Variants in RAB33A observed in about 807,000 individuals in gnomAD.
The protein encoded by RAB33A is ras-related protein Rab-33A.
Under a neutral mutation model 12.0 loss-of-function variants are expected in RAB33A, and 6 were observed. The observed-to-expected ratio is 0.50, with a 90% CI of 0.27 to 0.99. RAB33A has a LOEUF of 0.99. Among genes scored for constraint, RAB33A ranks in the 50% least tolerant of loss-of-function variants. The pLI is 0.11. For synonymous variants in RAB33A, 70 were observed against 82.4 expected, an observed-to-expected ratio of 0.85 and a Z score of 0.81; for missense variants, 109 against 192.0, an observed-to-expected ratio of 0.57 and a Z score of 2.55.
At chrX:130,147,662 T>C in the RAB33A span, 5 of 1,211,747 alleles carry the variant, frequency 4.1e-6, no homozygotes, top group Non-Finnish European at 5.6e-6. Context: ...CAGAGCCAAG[T>C]CATTTAAGGG....
chrX:130,128,702 T>G, the RAB33A span, among the ~76,000 whole-genome samples: 7 of 112,382 alleles, frequency 6.2e-5, no homozygotes, highest in Admixed American at 4.7e-4. Context: ...CCCATAAGCG[T>G]ATTTCAGAGA....
At chrX:130,158,406 A>G in the RAB33A span, among the ~76,000 whole-genome samples, 1 of 112,238 alleles carries the variant, frequency 8.9e-6, no homozygotes, top group Non-Finnish European at 1.9e-5. Context: ...GTGGTTTTCA[A>G]ACTTGAGAGT....
chrX:130,146,324 G>T, the RAB33A span, among the ~76,000 whole-genome samples: 1 of 109,166 alleles, frequency 9.2e-6, no homozygotes, highest in East Asian at 2.9e-4. Context: ...CGCACCTGTA[G>T]TCCTAGCTAC....
Position 130,172,391 on chromosome X carries a change from G to T in RAB33A, c.258+71G>T, listed in dbSNP as rs1373967404. The T allele has an allele frequency of 1.3e-5, 14 of 1,118,538 alleles. No individual in the cohort carries two copies. In the African/African-American group the frequency reaches 2.2e-4, roughly 18 times the overall value. The allele number at this position is 1,118,538 out of a possible 1,213,427, so 92.2% of individuals were successfully genotyped here. On this transcript the variant is annotated intron_variant, in intron 1 of 1. Coordinates refer to ENST00000257017, the MANE Select transcript of RAB33A (RefSeq NM_004794.3). ...ACCTCGCCCGAGGCATAGCTCTAGCGGTTGTCGTCGTCCAGCGTCCAGCGC... is the reference window on the plus strand; with the variant it reads ...ACCTCGCCCGAGGCATAGCTCTAGCTGTTGTCGTCGTCCAGCGTCCAGCGC...
the RAB33A span, chrX:130,138,524 T>C: frequency 1.3e-6 from 1 of 753,922 alleles, no homozygotes; most frequent in Admixed American, 2.2e-5. Flanking sequence ...GCCAAACACA[T>C]CTCTGGGATT....
the RAB33A span, among the ~76,000 whole-genome samples, chrX:130,148,920 G>GA: frequency 1.3e-5 from 1 of 77,206 alleles, no homozygotes; most frequent in Non-Finnish European, 2.4e-5. Context: ...CCTTTTAAGA[G>GA]ACTTTTTTTT....
chrX:130,147,471 C>CATTTT, the RAB33A span: 5 of 1,211,075 alleles, frequency 4.1e-6, no homozygotes, highest in South Asian at 8.8e-5. Flanking sequence ...TTGATAGGCT[C>CATTTT]ATTTTACATA....
the RAB33A span, among the ~76,000 whole-genome samples, chrX:130,163,560 C>T: frequency 4.5e-5 from 5 of 111,587 alleles, no homozygotes; most frequent in East Asian, 5.6e-4. Context: ...CTTTGGTGCA[C>T]GGCCAAAGGA....
Position 130,184,296 on chromosome X carries a change from G to A in RAB33A, c.270G>A (p.Trp90Ter). 8.3e-7 allele frequency: 1 copy of A among 1,208,553 alleles called. No homozygotes were observed. Among genetic ancestry groups the A allele is most frequent in the Non-Finnish European group, 1.1e-6 (1 of 893,271 alleles). ...IEGEKIKVQV[W>*]DTAGQERFRK... ...TTTGTATCTTCCAGGTTCAGGTGTG[G>A]GACACAGCAGGTCAGGAACGTTTCC... Residue 90 changes from tryptophan (W) to a stop codon, truncating the protein, a stop_gained, in exon 2 of 2, where the codon TGG becomes TGA. Coordinates refer to ENST00000257017, the MANE Select transcript of RAB33A (RefSeq NM_004794.3). LOFTEE classifies it high-confidence loss of function.
the RAB33A span, among the ~76,000 whole-genome samples, chrX:130,135,438 T>TAA: frequency 2.1e-3 from 49 of 23,005 alleles, no homozygotes; most frequent in South Asian, 3.0e-3. Flanking sequence ...CTTTTTTTTT[T>TAA]TAAAAAAAAA....
the RAB33A span, chrX:130,138,549 A>G: frequency 1.2e-5 from 11 of 933,661 alleles, no homozygotes; most frequent in East Asian, 1.2e-4. Flanking sequence ...GAAAAGCTAT[A>G]TAAGACTAGA....
the RAB33A span, among the ~76,000 whole-genome samples, chrX:130,114,496 T>C: frequency 2.8e-3 from 318 of 112,068 alleles, 3 homozygotes; most frequent in Non-Finnish European, 4.8e-3. Context: ...AGATCACCAC[T>C]CTCCTGACGA....
chrX:130,172,793 A>G (rs1228437529), intron 1 of RAB33A, among the ~76,000 whole-genome samples: 1 of 112,039 alleles, frequency 8.9e-6, no homozygotes, highest in African/African-American at 3.2e-5. Flanking sequence ...AATGATGGAA[A>G]TCCATGGAGA....
intron 1 of RAB33A, among the ~76,000 whole-genome samples, chrX:130,181,282 G>A (rs1262229618): frequency 1.8e-5 from 2 of 111,046 alleles, no homozygotes; most frequent in African/African-American, 6.6e-5. Context: ...CTAGGGCCCT[G>A]TAAAATCTTC....
At chrX:130,114,559 C>T in the RAB33A span, among the ~76,000 whole-genome samples, 2 of 112,361 alleles carry the variant, frequency 1.8e-5, no homozygotes, top group Non-Finnish European at 3.8e-5. Context: ...AGGAATTCCC[C>T]TTCTCGAGTT....
At chrX:130,130,690 C>G in the RAB33A span, among the ~76,000 whole-genome samples, 5 of 112,575 alleles carry the variant, frequency 4.4e-5, no homozygotes, top group Admixed American at 4.7e-4. Context: ...TGGAACATTT[C>G]CATCGCAGCA....
At chrX:130,163,047 C>T in the RAB33A span, among the ~76,000 whole-genome samples, 387 of 111,207 alleles carry the variant, frequency 3.5e-3, 3 homozygotes, top group African/African-American at 0.012. Flanking sequence ...AGTTGCAAGG[C>T]AGGTTTAAAG....
the RAB33A span, chrX:130,145,629 G>T: frequency 1.1e-6 from 1 of 921,757 alleles, no homozygotes; most frequent in Non-Finnish European, 1.6e-6. Context: ...AGCTTCCCCC[G>T]TAGCTTTAAT....
chrX:130,164,679 G>C, the RAB33A span, among the ~76,000 whole-genome samples: 1 of 111,793 alleles, frequency 8.9e-6, no homozygotes, highest in African/African-American at 3.3e-5. Context: ...CTAATTACTG[G>C]GAAGAGACCC....
Sources: gnomAD v4.1 joint callset for allele counts (sites outside exome capture counted in the v4.1 genomes callset) on GRCh38, gnomAD v4.1.1 for gene constraint, MANE v1.5 for transcripts, NCBI Gene and HGNC (gene_info 2026-07-23, HGNC 2026-07-21) for gene names.